The following BTBD9 variants were observed in gnomAD, a reference collection of about 807,000 sequenced individuals.
BTBD9 encodes BTB domain containing 9.
Under a neutral mutation model 64.3 loss-of-function variants are expected in BTBD9, and 49 were observed. The ratio of observed to expected loss-of-function variants is 0.76; its 90% CI spans 0.61 to 0.97. The LOEUF (loss-of-function observed/expected upper bound fraction) is 0.97, where lower values mean the gene tolerates loss of function less well. Ranked by LOEUF, BTBD9 falls within the 50% of genes least tolerant of loss-of-function variation. The probability of loss-of-function intolerance (pLI) is 0.00; values close to 1 mark genes in which losing one functional copy is unlikely to be tolerated. For missense variants in BTBD9, 598 were observed against 762.1 expected (o/e 0.78, Z 2.53); for synonymous variants, 260 against 274.7 (o/e 0.95, Z 0.53).
At chr6:38,493,302 T>C (rs1771785655) in intron 6 of BTBD9, among the ~76,000 whole-genome samples, 2 of 152,234 alleles carry the variant, frequency 1.3e-5, no homozygotes. Flanking sequence ...TTTTGACTTA[T>C]ACCCAATTTC....
At chr6:38,318,883 T>G (rs865960116) in intron 7 of BTBD9, among the ~76,000 whole-genome samples, 1 of 152,190 alleles carries the variant, frequency 6.6e-6, no homozygotes, top group African/African-American at 2.4e-5. Context: ...CCCATGCAGG[T>G]CCAGAGATGC....
At chr6:38,400,764 A>C (rs1174267090) in intron 6 of BTBD9, among the ~76,000 whole-genome samples, 1 of 152,260 alleles carries the variant, frequency 6.6e-6, no homozygotes, top group Non-Finnish European at 1.5e-5. Context: ...TGATTACAAA[A>C]GTATTCATGC....
chr6:38,188,539 T>C (rs762035254), intron 10 of BTBD9, among the ~76,000 whole-genome samples: 6 of 152,246 alleles, frequency 3.9e-5, no homozygotes, highest in Middle Eastern at 3.2e-3. Context: ...TTCCATGCCA[T>C]AGACCAAATC....
intron 6 of BTBD9, among the ~76,000 whole-genome samples, chr6:38,562,907 T>C (rs527675521): frequency 5.3e-5 from 8 of 152,156 alleles, no homozygotes; most frequent in Non-Finnish European, 1.2e-4. Flanking sequence ...TTTAACCCAC[T>C]CTAATCTGAC....
At chr6:38,474,456 G>A (rs1198612744) in intron 6 of BTBD9, among the ~76,000 whole-genome samples, 1 of 152,170 alleles carries the variant, frequency 6.6e-6, no homozygotes, top group East Asian at 1.9e-4. Context: ...CTGGGAGGCA[G>A]AGGTTGCACG....
At chr6:38,328,225 C>A (rs1045806885) in intron 7 of BTBD9, among the ~76,000 whole-genome samples, 1 of 152,124 alleles carries the variant, frequency 6.6e-6, no homozygotes, top group South Asian at 2.1e-4. Flanking sequence ...TACAATTTTA[C>A]GCACTATTAT....
chr6:38,255,387 A>G (rs1261931849), intron 9 of BTBD9, among the ~76,000 whole-genome samples: 4 of 152,244 alleles, frequency 2.6e-5, no homozygotes, highest in African/African-American at 9.6e-5. Flanking sequence ...AAAACCACTC[A>G]ATTGTACACT....
At chr6:38,210,529 CGTGTGTTT>C (rs768058826) in intron 9 of BTBD9, among the ~76,000 whole-genome samples, 2 of 103,862 alleles carry the variant, frequency 1.9e-5, no homozygotes, top group South Asian at 3.8e-4. Flanking sequence ...TGGGAGAGTG[CGTGTGTTT>C]GTGTGTGTGT....
chr6:38,469,471 C>T (rs1770540533), intron 6 of BTBD9, among the ~76,000 whole-genome samples: 1 of 152,086 alleles, frequency 6.6e-6, no homozygotes, highest in Non-Finnish European at 1.5e-5. Context: ...AGGCACATGC[C>T]ACCACGCCTG....
intron 9 of BTBD9, among the ~76,000 whole-genome samples, chr6:38,250,747 G>A (rs528417753): frequency 1.3e-5 from 2 of 152,270 alleles, no homozygotes; most frequent in Middle Eastern, 3.4e-3. Context: ...GTAAAGAGTC[G>A]AGAAATATTG....
At chr6:38,448,802 GCCA>G (rs1769390036) in intron 6 of BTBD9, among the ~76,000 whole-genome samples, 1 of 152,146 alleles carries the variant, frequency 6.6e-6, no homozygotes, top group Admixed American at 6.5e-5. Context: ...ACAGGCATGA[GCCA>G]CCGCACCCGG....
intron 4 of BTBD9, among the ~76,000 whole-genome samples, chr6:38,590,437 T>C (rs1450217622): frequency 1.3e-5 from 2 of 152,222 alleles, no homozygotes; most frequent in African/African-American, 4.8e-5. Context: ...CAAATTTGTC[T>C]GGGCCAAAAC....
chr6:38,281,525 A>G (rs996931093), intron 8 of BTBD9, among the ~76,000 whole-genome samples: 3 of 152,240 alleles, frequency 2.0e-5, no homozygotes, highest in African/African-American at 7.2e-5. Flanking sequence ...TGGTTCAGAC[A>G]GTCTGTGCCA....
In BTBD9 at chr6:38,592,796, G is replaced by A. The variant is rs373081300; in HGVS notation, c.594C>T (p.Pro198=). ...NIVLRDSFAA[P]EKDIFLALLN... is the part of the protein sequence containing the mutation. Reference sequence around the variant, plus strand: ...ATAAGGCTAGGAAAATATCTTTTTCGGGAGCTGCAAATGAGTCTCTTAACA... The same window carrying A: ...ATAAGGCTAGGAAAATATCTTTTTCAGGAGCTGCAAATGAGTCTCTTAACA... The change falls in exon 4 of 11, where the codon CCC becomes CCT. Residue 198 remains proline (P), a synonymous_variant. Transcript: ENST00000481247. 37 of 1,614,054 alleles carry A rather than the reference G, an allele frequency of 2.3e-5. No homozygotes were observed. In the East Asian group the frequency reaches 4.2e-4, roughly 18 times the overall value.
chr6:38,410,042 A>G (rs1431955725), intron 6 of BTBD9, among the ~76,000 whole-genome samples: 1 of 152,114 alleles, frequency 6.6e-6, no homozygotes, highest in Non-Finnish European at 1.5e-5. Context: ...ATGAGTTTTT[A>G]TTTTAAAAAA....
chr6:38,330,640 C>T (rs1763639490), intron 7 of BTBD9, among the ~76,000 whole-genome samples: 2 of 151,984 alleles, frequency 1.3e-5, no homozygotes, highest in South Asian at 4.2e-4. Flanking sequence ...AAAGAATAGC[C>T]TAGAAAACTT....
At chr6:38,581,194 A>G (rs1562371672) in intron 4 of BTBD9, among the ~76,000 whole-genome samples, 2 of 152,248 alleles carry the variant, frequency 1.3e-5, no homozygotes, top group Non-Finnish European at 2.9e-5. Flanking sequence ...CTCCGTCTCA[A>G]CAACAAAAAA....
At chr6:38,532,386 G>T (rs1773838837) in intron 6 of BTBD9, among the ~76,000 whole-genome samples, 1 of 152,128 alleles carries the variant, frequency 6.6e-6, no homozygotes, top group Non-Finnish European at 1.5e-5. Flanking sequence ...ATACTCCTAG[G>T]TGAGTTCTAG....
intron 6 of BTBD9, among the ~76,000 whole-genome samples, chr6:38,459,603 A>C (rs1242199388): frequency 2.0e-5 from 3 of 152,242 alleles, no homozygotes; most frequent in African/African-American, 7.2e-5. Context: ...CCTACGAGGA[A>C]CAGAATCCTT....
Sources: gnomAD v4.1 joint callset for allele counts (sites outside exome capture counted in the v4.1 genomes callset) on GRCh38, gnomAD v4.1.1 for gene constraint, MANE v1.5 for transcripts, NCBI Gene and HGNC (gene_info 2026-07-23, HGNC 2026-07-21) for gene names.